Variants in TM7SF3 observed in about 807,000 individuals in gnomAD.
TM7SF3 encodes the protein seven span transmembrane protein.
TM7SF3 carries 60 observed loss-of-function variants against 65.5 expected under a neutral mutation model. The ratio of observed to expected loss-of-function variants is 0.92; its 90% CI spans 0.74 to 1.14. TM7SF3 has a LOEUF of 1.14. Among genes scored for constraint, TM7SF3 ranks in the 50% most tolerant of loss-of-function variants. TM7SF3 has a pLI of 0.00. For synonymous variants in TM7SF3, 264 were observed against 259.6 expected (o/e 1.02, Z -0.16); for missense variants, 623 against 684.8 (o/e 0.91, Z 1.01).
At chr12:26,977,906 C>A in intron 9 of TM7SF3, 1 of 303,260 alleles carries the variant, frequency 3.3e-6, no homozygotes, top group Non-Finnish European at 6.6e-6. Context: ...TTAAGACCAC[C>A]CTAGGCAACA....
rs759631809 is a variant in TM7SF3, at chr12:26,975,605, A to C, written c.1341T>G (p.Ile447Met). 3 of 1,614,092 alleles carry C rather than the reference A, an allele frequency of 1.9e-6. No homozygotes were observed. Among genetic ancestry groups the C allele is most frequent in the Admixed American group, 1.7e-5 (1 of 60,020 alleles). Residue 447 changes from isoleucine (I) to methionine (M), a missense_variant, in exon 11 of 12, where the codon ATT (isoleucine) becomes ATG (methionine). By Grantham distance (10) the Ile-to-Met change is conservative. Transcript: ENST00000343028. ...VIGSYSVVLA[I>M]DSYWSTSLSY... The stretch of plus-strand genomic sequence containing the variant: ...AAAGGCTTGTGGACCAGTAACTGTC[A>C]ATGGCTAAAACCACCGAATAGGAGC...
chr12:26,974,171 T>A lies in TM7SF3; in HGVS notation c.1507A>T (p.Ile503Phe). The A allele has an allele frequency of 1.2e-6, 2 of 1,614,186 alleles. No individual in the cohort carries two copies. The highest frequency in any genetic ancestry group is 1.7e-6 in the Non-Finnish European group (2 of 1,180,022). Residue 503 changes from isoleucine (I) to phenylalanine (F), a missense_variant, in exon 12 of 12, where the codon ATT (isoleucine) becomes TTT (phenylalanine). Coordinates refer to ENST00000343028, the MANE Select transcript of TM7SF3 (RefSeq NM_016551.3). ...MLAVSGITLQ[I>F]RRERGRPFFP... ...AACGGTCGTCCTCTCTCTCTTCGAA[T>A]CTGTAACGTAATTCCACTTACAGCC...
rs763150913 is a variant in TM7SF3 at position 26,995,347 on chromosome 12, A to C, written c.580T>G (p.Tyr194Asp). ...GGCAGAAAATACTGATAGACATCAT[A>C]CTGCAACCTCCACCTGGAGTCCTGG... Reference protein sequence around the residue: ...TDQDSRWRLQYDVYQYFLPEN... With the variant: ...TDQDSRWRLQDDVYQYFLPEN... The change falls in exon 5 of 12, where the codon TAT becomes GAT. Residue 194 changes from tyrosine (Y) to aspartate (D), a missense_variant. Tyr to Asp is a radical substitution (Grantham distance 160). Transcript: ENST00000343028. The C allele has an allele frequency of 6.2e-6, 10 of 1,614,064 alleles. No individual in the cohort carries two copies. In the East Asian group the frequency reaches 2.0e-4, roughly 32 times the overall value.
intron 1 of TM7SF3, among the ~76,000 whole-genome samples, chr12:27,009,285 C>CA (rs970848561): frequency 1.3e-5 from 2 of 151,946 alleles, no homozygotes; most frequent in African/African-American, 2.4e-5. Flanking sequence ...CACACACACA[C>CA]AAAAAAACCT....
At chr12:26,999,247 T>A (rs189834805) in intron 3 of TM7SF3, among the ~76,000 whole-genome samples, 1 of 151,908 alleles carries the variant, frequency 6.6e-6, no homozygotes, top group Admixed American at 6.6e-5. Context: ...ATACAAAAAA[T>A]TAGCTGGGCC....
intron 4 of TM7SF3, 92 bp from the exon 5 acceptor site, chr12:26,995,500 C>T (rs1004181682): frequency 7.7e-7 from 1 of 1,299,522 alleles, no homozygotes; most frequent in Non-Finnish European, 1.1e-6. Flanking sequence ...CAAACACTTG[C>T]AACAATAATT....
chr12:26,995,548 G>C (rs528553395), intron 4 of TM7SF3, 140 bp from the exon 5 acceptor site: 89 of 892,362 alleles, frequency 1.0e-4, no homozygotes, highest in Admixed American at 5.2e-4. Flanking sequence ...GGCAACAATT[G>C]GTATTCTGAA....
chr12:26,997,321 G>T (rs1011020515), intron 3 of TM7SF3, among the ~76,000 whole-genome samples: 2 of 152,124 alleles, frequency 1.3e-5, no homozygotes, highest in Non-Finnish European at 2.9e-5. Flanking sequence ...ACTACTTCTG[G>T]CCAGGTTTGG....
At chr12:26,990,254 C>T (rs568040825) in intron 6 of TM7SF3, among the ~76,000 whole-genome samples, 196 bp downstream of exon 6, 5 of 152,346 alleles carry the variant, frequency 3.3e-5, no homozygotes, top group Admixed American at 3.3e-4. Context: ...TTGTCTGTCT[C>T]ATCTCCCTCA....
intron 6 of TM7SF3, among the ~76,000 whole-genome samples, chr12:26,984,676 T>C (rs1387713217): frequency 2.0e-5 from 3 of 151,980 alleles, no homozygotes; most frequent in East Asian, 1.9e-4. Context: ...TAGATACTCT[T>C]CCATAACATT....
rs575894680 is a variant in TM7SF3, at chr12:26,980,784, A to G, written c.956-138T>C. On this transcript the variant is annotated intron_variant, in intron 7 of 11. Coordinates refer to ENST00000343028, the MANE Select transcript of TM7SF3 (RefSeq NM_016551.3). ...CTGGAATTTACATGTTACAGCATTC[A>G]GAAGAAAAAAAAAATCTAAAAGGCA... 4 of 530,360 alleles carry G rather than the reference A, an allele frequency of 7.5e-6. No homozygotes were observed. In the African/African-American group the frequency reaches 8.0e-5, roughly 11 times the overall value. The allele number at this position is 530,360 out of a possible 1,614,324, so 32.9% of individuals were successfully genotyped here.
intron 1 of TM7SF3, among the ~76,000 whole-genome samples, chr12:27,006,667 T>C (rs1314799613): frequency 1.3e-5 from 2 of 152,234 alleles, no homozygotes; most frequent in East Asian, 1.9e-4. Context: ...ATATATCTTT[T>C]AGGGCTTAGG....
chr12:26,979,972 G>A (rs369158316), intron 8 of TM7SF3, 36 bp from the exon 9 acceptor site: 27 of 1,612,558 alleles, frequency 1.7e-5, no homozygotes, highest in African/African-American at 8.0e-5. Flanking sequence ...CTGGATAACC[G>A]GCAGTACTTC....
chr12:27,006,107 C>CT (rs1349423443), intron 1 of TM7SF3, among the ~76,000 whole-genome samples: 3 of 143,260 alleles, frequency 2.1e-5, no homozygotes, highest in Admixed American at 1.4e-4. Flanking sequence ...GCTGATTTTT[C>CT]TTTTTTTTAC....
intron 1 of TM7SF3, among the ~76,000 whole-genome samples, chr12:27,011,382 A>G (rs1055777531): frequency 6.6e-6 from 1 of 152,234 alleles, no homozygotes; most frequent in Non-Finnish European, 1.5e-5. Flanking sequence ...CTGGGACTCC[A>G]AGAGAAGGGA....
chr12:26,990,585 A>T lies in TM7SF3; in HGVS notation c.733T>A (p.Ser245Thr). 6.2e-7 allele frequency: 1 copy of T among 1,614,074 alleles called. No individual in the cohort carries two copies. The highest frequency in any genetic ancestry group is 8.5e-7 in the Non-Finnish European group (1 of 1,179,922). ...ATGACACCTTGTCCCGGGAGGGAGG[A>T]GAAGGAAACACTTGTCTTATCATTA... ...TANDKTSVSF[S>T]SLPGQGVIYN... The change falls in exon 6 of 12, where the codon TCC becomes ACC. Residue 245 changes from serine (S) to threonine (T), a missense_variant. Physicochemically the swap from Ser to Thr is moderately conservative, Grantham distance 58. Transcript: ENST00000343028.
At chr12:27,001,107 C>CA (rs552156521) in intron 2 of TM7SF3, among the ~76,000 whole-genome samples, 127 of 151,200 alleles carry the variant, frequency 8.4e-4, no homozygotes, top group Non-Finnish European at 1.5e-3. Context: ...CATCACGACT[C>CA]AAAAAAAACA....
intron 6 of TM7SF3, among the ~76,000 whole-genome samples, chr12:26,986,306 G>A (rs887049331): frequency 6.6e-6 from 1 of 152,046 alleles, no homozygotes; most frequent in Non-Finnish European, 1.5e-5. Context: ...CATCCCCCAG[G>A]TGATGTCTGA....
chr12:26,977,660 AG>A (rs2136377387), intron 9 of TM7SF3, among the ~76,000 whole-genome samples: 1 of 152,308 alleles, frequency 6.6e-6, no homozygotes, highest in South Asian at 2.1e-4. Flanking sequence ...AGGCTGAGGC[AG>A]GAAAATCACT....
Sources: allele counts gnomAD v4.1 joint callset (sites outside exome capture counted in the v4.1 genomes callset), GRCh38; gene constraint gnomAD v4.1.1; transcripts MANE v1.5; gene names NCBI Gene and HGNC (gene_info 2026-07-23, HGNC 2026-07-21).